Variants in E2F5 observed in about 807,000 individuals in gnomAD.
The protein encoded by E2F5 is transcription factor E2F5.
In E2F5, 23 loss-of-function variants were observed where a neutral mutation model predicts 39.1. The ratio of observed to expected loss-of-function variants is 0.59; its 90% CI spans 0.42 to 0.83. The LOEUF is 0.83. Among genes scored for constraint, E2F5 ranks in the 40% least tolerant of loss-of-function variants. E2F5 has a pLI of 0.00. For synonymous variants in E2F5, 145 were observed against 157.8 expected (o/e 0.92, Z 0.61); for missense variants, 365 against 406.7 (o/e 0.90, Z 0.88).
intron 7 of E2F5, 98 bp from the exon 8 acceptor site, chr8:85,213,655 A>C: frequency 1.6e-6 from 1 of 630,700 alleles, no homozygotes; most frequent in Non-Finnish European, 2.8e-6. Context: ...ATTACACAAG[A>C]CTTTAATTTG....
intron 1 of E2F5, among the ~76,000 whole-genome samples, chr8:85,187,376 A>C (rs1022362830): frequency 1.3e-5 from 2 of 152,110 alleles, no homozygotes; most frequent in Admixed American, 6.5e-5. Flanking sequence ...TCCATTACTG[A>C]AAGTGGGCTG....
intron 1 of E2F5, among the ~76,000 whole-genome samples, chr8:85,195,287 G>T (rs961665573): frequency 1.3e-5 from 2 of 152,042 alleles, no homozygotes; most frequent in Non-Finnish European, 2.9e-5. Flanking sequence ...GGAGGCTGAG[G>T]CAGGAGAATT....
chr8:85,205,018 C>T (rs4150949), intron 3 of E2F5, among the ~76,000 whole-genome samples: 154 of 152,202 alleles, frequency 1.0e-3, no homozygotes, highest in African/African-American at 3.6e-3. Flanking sequence ...AAACCCTGTC[C>T]GTACTAAAAG....
intron 3 of E2F5, among the ~76,000 whole-genome samples, chr8:85,203,710 T>C (rs544069794): frequency 1.4e-3 from 205 of 151,596 alleles, no homozygotes; most frequent in African/African-American, 4.6e-3. Context: ...TGATACTTTC[T>C]GCCTAACATG....
chr8:85,193,716 C>T (rs150943383), intron 1 of E2F5, among the ~76,000 whole-genome samples: 24 of 152,138 alleles, frequency 1.6e-4, no homozygotes, highest in Non-Finnish European at 2.2e-4. Flanking sequence ...TAGAGTTTCA[C>T]GTCAGTGAAG....
intron 2 of E2F5, among the ~76,000 whole-genome samples, chr8:85,202,869 T>C (rs1287061522): frequency 6.6e-6 from 1 of 152,136 alleles, no homozygotes; most frequent in Non-Finnish European, 1.5e-5. Flanking sequence ...AAAAACACTG[T>C]AGGGAAGATT....
At chr8:85,203,001 T>G in intron 2 of E2F5, 93 bp from the exon 3 acceptor site, 1 of 965,964 alleles carries the variant, frequency 1.0e-6, no homozygotes, top group East Asian at 3.2e-5. Context: ...GTCTTGAATA[T>G]ATTACTAAAT....
chr8:85,187,792 C>G (rs938300554), intron 1 of E2F5: 1 of 152,176 alleles, frequency 6.6e-6, no homozygotes, highest in African/African-American at 2.4e-5. Context: ...GGTTATCATT[C>G]ATAGGTAAGT....
chr8:85,198,600 G>C (rs1363149128), intron 1 of E2F5, among the ~76,000 whole-genome samples: 1 of 152,070 alleles, frequency 6.6e-6, no homozygotes, highest in Non-Finnish European at 1.5e-5. Context: ...ACTTGATATG[G>C]TCACACTTTC....
Position 85,214,432 on chromosome 8 carries a change from G to T in E2F5, c.*570G>T, listed in dbSNP as rs140072409. On this transcript the variant is annotated 3_prime_UTR_variant, in exon 8 of 8. Coordinates refer to ENST00000416274, the MANE Select transcript of E2F5 (RefSeq NM_001951.4). ...TTCCACTTTCCTAGGTTATAGGAAA[G>T]ATCTGTTTATGTAGTTTGTTTTTAA... 31 of 696,508 alleles carry T rather than the reference G, an allele frequency of 4.5e-5. No homozygotes were observed. In the East Asian group the frequency reaches 7.8e-4, roughly 18 times the overall value. 43.1% of individuals were successfully genotyped at this position (696,508 alleles called of 1,614,324 possible).
intron 1 of E2F5, among the ~76,000 whole-genome samples, chr8:85,186,211 G>A (rs1406573524): frequency 6.6e-6 from 1 of 152,064 alleles, no homozygotes; most frequent in Non-Finnish European, 1.5e-5. Flanking sequence ...CCTTTGCAGG[G>A]ACATGGATGA....
intron 1 of E2F5, among the ~76,000 whole-genome samples, chr8:85,191,675 T>G (rs1353962042): frequency 1.3e-5 from 2 of 152,218 alleles, no homozygotes; most frequent in Non-Finnish European, 2.9e-5. Flanking sequence ...CTGACTCTCC[T>G]TAATCTGAAG....
chr8:85,211,640 GTTGTTTTTTTTTTT>G (rs1251232850), intron 6 of E2F5, among the ~76,000 whole-genome samples: 3 of 81,058 alleles, frequency 3.7e-5, no homozygotes, highest in African/African-American at 1.9e-4. Flanking sequence ...GAGGTTTGTT[GTTGTTTTTTTTTTT>G]TTTTTTTTTT....
intron 1 of E2F5, among the ~76,000 whole-genome samples, chr8:85,184,483 C>T (rs539547637): frequency 2.0e-5 from 3 of 152,316 alleles, no homozygotes; most frequent in South Asian, 4.1e-4. Context: ...TCTCACCACT[C>T]CTATTCAGCA....
intron 1 of E2F5, among the ~76,000 whole-genome samples, chr8:85,188,685 G>A (rs552796077): frequency 6.6e-6 from 1 of 152,304 alleles, no homozygotes; most frequent in Admixed American, 6.5e-5. Context: ...GAAGCCTCGG[G>A]TTATGTGATC....
At chr8:85,180,543 T>TATATATAC (rs1554682032) in intron 1 of E2F5, among the ~76,000 whole-genome samples, 12 of 116,864 alleles carry the variant, frequency 1.0e-4, no homozygotes, top group Non-Finnish European at 2.0e-4. Context: ...TATATATATA[T>TATATATAC]ATATATATAT....
At chr8:85,189,813 G>C (rs1812421732) in intron 1 of E2F5, among the ~76,000 whole-genome samples, 1 of 152,024 alleles carries the variant, frequency 6.6e-6, no homozygotes, top group South Asian at 2.1e-4. Context: ...ATTCACAAAT[G>C]TGTGCCCCGT....
Position 85,177,221 on chromosome 8 carries a change from G to C in E2F5, c.-200G>C. The C allele has an allele frequency of 3.9e-6, 1 of 256,932 alleles. No individual in the cohort carries two copies. Among genetic ancestry groups the C allele is most frequent in the Non-Finnish European group, 6.1e-6 (1 of 163,736 alleles). 15.9% of individuals were successfully genotyped at this position (256,932 alleles called of 1,614,324 possible). On this transcript the variant is annotated 5_prime_UTR_variant, in exon 1 of 8. Transcript: ENST00000416274. Reference sequence around the variant, plus strand: ...ATTCACGCTTCCCCGGGCTTGGGGAGGGGGCGGAGGCCCGGCGTGACAAGC... The same window carrying C: ...ATTCACGCTTCCCCGGGCTTGGGGACGGGGCGGAGGCCCGGCGTGACAAGC...
At chr8:85,194,256 G>C (rs900441642) in intron 1 of E2F5, among the ~76,000 whole-genome samples, 1 of 152,052 alleles carries the variant, frequency 6.6e-6, no homozygotes, top group Non-Finnish European at 1.5e-5. Context: ...AATCAGTTTT[G>C]AGAATGGGCT....
Sources: allele counts gnomAD v4.1 joint callset (sites outside exome capture counted in the v4.1 genomes callset), GRCh38; gene constraint gnomAD v4.1.1; transcripts MANE v1.5; gene names NCBI Gene and HGNC (gene_info 2026-07-23, HGNC 2026-07-21).